The following APLF variants were observed in gnomAD, a reference collection of about 807,000 sequenced individuals.
The protein encoded by APLF is aprataxin and PNKP like factor.
APLF carries 61 observed loss-of-function variants against 55.6 expected under a neutral mutation model. The ratio of observed to expected loss-of-function variants is 1.10; its 90% CI spans 0.89 to 1.36. The LOEUF (loss-of-function observed/expected upper bound fraction) is 1.36, where lower values mean the gene tolerates loss of function less well. APLF is among the 40% of genes most tolerant of loss of function. The probability of loss-of-function intolerance (pLI) is 0.00; values close to 1 mark genes in which losing one functional copy is unlikely to be tolerated. For synonymous variants in APLF, 207 were observed against 214.8 expected (o/e 0.96, Z 0.32); for missense variants, 611 against 602.5 (o/e 1.01, Z -0.15).
In APLF at chr2:68,578,379, A is replaced by G. The variant is rs140336578; in HGVS notation, c.*357A>G. On this transcript the variant is annotated 3_prime_UTR_variant, in exon 10 of 10. Coordinates refer to ENST00000303795, the MANE Select transcript of APLF (RefSeq NM_173545.3). ...AATTTTTTTCCAAAGATTATGGAGTACTCTGCAAGTATAACCAGGCAAAGT... is the reference window on the plus strand; with the variant it reads ...AATTTTTTTCCAAAGATTATGGAGTGCTCTGCAAGTATAACCAGGCAAAGT... 4.4e-5 allele frequency: 45 copies of G among 1,014,250 alleles called. No individual in the cohort carries two copies. In the African/African-American group the frequency reaches 7.8e-4, roughly 18 times the overall value. 62.8% of individuals were successfully genotyped at this position (1,014,250 alleles called of 1,614,324 possible).
At chr2:68,534,393 C>T (rs752602569) in intron 6 of APLF, among the ~76,000 whole-genome samples, 50 of 152,006 alleles carry the variant, frequency 3.3e-4, no homozygotes, top group Non-Finnish European at 5.0e-4. Context: ...AATTTGTCAC[C>T]ACAGACATTC....
At chr2:68,499,770 A>G (rs1676665587) in intron 2 of APLF, among the ~76,000 whole-genome samples, 1 of 152,132 alleles carries the variant, frequency 6.6e-6, no homozygotes, top group Non-Finnish European at 1.5e-5. Context: ...ACCTGGAGGC[A>G]GAGGTTGTAG....
At chr2:68,549,144 C>G (rs768089557) in intron 8 of APLF, among the ~76,000 whole-genome samples, 3 of 151,980 alleles carry the variant, frequency 2.0e-5, no homozygotes, top group Non-Finnish European at 4.4e-5. Flanking sequence ...ATGGCCATGT[C>G]TCTTAACTTA....
At chr2:68,490,168 T>G in intron 1 of APLF, 22 bp from the exon 2 acceptor site, 2 of 1,556,034 alleles carry the variant, frequency 1.3e-6, no homozygotes, top group Non-Finnish European at 1.7e-6. Context: ...ATTCTTAATC[T>G]TTTAATTTTT....
At chr2:68,476,926 G>T (rs541789540) in intron 1 of APLF, among the ~76,000 whole-genome samples, 34 of 152,126 alleles carry the variant, frequency 2.2e-4, no homozygotes, top group Non-Finnish European at 4.3e-4. Context: ...TATTGGAAAA[G>T]TTTTTGGGAG....
At chr2:68,544,667 G>T (rs1164074020) in intron 7 of APLF, among the ~76,000 whole-genome samples, 2 of 151,938 alleles carry the variant, frequency 1.3e-5, no homozygotes, top group African/African-American at 4.8e-5. Flanking sequence ...TTTTTTTAGT[G>T]TAAGAGTCTT....
intron 6 of APLF, among the ~76,000 whole-genome samples, chr2:68,536,745 T>C (rs1378313730): frequency 6.6e-6 from 1 of 152,224 alleles, no homozygotes; most frequent in Non-Finnish European, 1.5e-5. Flanking sequence ...TCCTATCTTT[T>C]TCCAAGTTGG....
At chr2:68,561,545 A>G (rs1231008763) in intron 8 of APLF, among the ~76,000 whole-genome samples, 3 of 152,120 alleles carry the variant, frequency 2.0e-5, no homozygotes, top group Non-Finnish European at 4.4e-5. Flanking sequence ...AGCAGTCTGT[A>G]TCTCAGGAAT....
chr2:68,470,139 G>A (rs1304899664), intron 1 of APLF, among the ~76,000 whole-genome samples: 3 of 152,130 alleles, frequency 2.0e-5, no homozygotes, highest in African/African-American at 4.8e-5. Context: ...CTCCATGATT[G>A]GCATCAGTTA....
At chr2:68,492,945 A>T (rs1453127505) in intron 2 of APLF, among the ~76,000 whole-genome samples, 1 of 152,090 alleles carries the variant, frequency 6.6e-6, no homozygotes, top group East Asian at 1.9e-4. Flanking sequence ...TTTTTCGAGT[A>T]CCTTTTTTTG....
In APLF at chr2:68,565,427, T is replaced by C. The variant is rs183309692; in HGVS notation, c.1287-1914T>C. 5.9e-4 allele frequency among the ~76,000 whole-genome samples: 90 copies of C among 152,038 alleles called. 1 individual carries two copies. The highest frequency in any genetic ancestry group is 2.1e-3 in the African/African-American group (87 of 41,470). Reference sequence around the variant, plus strand: ...AGTGAGCTATGATTGTGCCCTGCACTCTAGCCTGGATAACAGAGTGAGACC... The same window carrying C: ...AGTGAGCTATGATTGTGCCCTGCACCCTAGCCTGGATAACAGAGTGAGACC... On this transcript the variant is annotated intron_variant, in intron 8 of 9. Transcript: ENST00000303795.
At chr2:68,544,187 C>T (rs188837533) in intron 7 of APLF, among the ~76,000 whole-genome samples, 21 of 152,162 alleles carry the variant, frequency 1.4e-4, no homozygotes, top group African/African-American at 5.1e-4. Context: ...CCGTGTTGGC[C>T]AGGCTGGTCC....
chr2:68,478,753 G>C (rs1369750594), intron 1 of APLF, among the ~76,000 whole-genome samples: 1 of 152,120 alleles, frequency 6.6e-6, no homozygotes, highest in African/African-American at 2.4e-5. Context: ...ACAGTTATTA[G>C]TAAGGAAGAG....
At chr2:68,511,407 C>T (rs1451545164) in intron 3 of APLF, among the ~76,000 whole-genome samples, 1 of 151,458 alleles carries the variant, frequency 6.6e-6, no homozygotes, top group African/African-American at 2.4e-5. Context: ...TGTACTTGTA[C>T]TTTTTGAATA....
intron 8 of APLF, among the ~76,000 whole-genome samples, chr2:68,559,790 G>A (rs886655100): frequency 6.6e-6 from 1 of 152,112 alleles, no homozygotes; most frequent in African/African-American, 2.4e-5. Flanking sequence ...TTGTCCTCAT[G>A]TAGTTCATTC....
At chr2:68,470,446 T>C (rs964626383) in intron 1 of APLF, among the ~76,000 whole-genome samples, 1 of 152,198 alleles carries the variant, frequency 6.6e-6, no homozygotes, top group Non-Finnish European at 1.5e-5. Context: ...ACTATAGTTT[T>C]GTAAGACGTT....
intron 1 of APLF, among the ~76,000 whole-genome samples, chr2:68,481,553 T>G (rs1476419922): frequency 6.6e-6 from 1 of 152,218 alleles, no homozygotes; most frequent in Non-Finnish European, 1.5e-5. Flanking sequence ...GTCTTTGACT[T>G]TTGAAAATTT....
In APLF at chr2:68,513,411, C is replaced by A. The variant is rs180842709; in HGVS notation, c.490-137C>A. The A allele has an allele frequency of 4.8e-6, 6 of 1,259,358 alleles. No homozygotes were observed. In the African/African-American group the frequency reaches 9.1e-5, roughly 19 times the overall value. 78.0% of individuals were successfully genotyped at this position (1,259,358 alleles called of 1,614,324 possible). ...ACAGTTAAACTAATAGAAATAATTT[C>A]TTTGTTCAAGAAATTTTATGAACTC... is the stretch of plus-strand genomic sequence containing the variant. On this transcript the variant is annotated intron_variant, in intron 4 of 9. Coordinates refer to ENST00000303795, the MANE Select transcript of APLF (RefSeq NM_173545.3).
chr2:68,513,301 A>G, intron 4 of APLF, 74 bp downstream of exon 4: 3 of 1,469,430 alleles, frequency 2.0e-6, no homozygotes. Context: ...GACAACTGAA[A>G]TTAGGCCTAT....
Sources: gnomAD v4.1 joint callset for allele counts (sites outside exome capture counted in the v4.1 genomes callset) on GRCh38, gnomAD v4.1.1 for gene constraint, MANE v1.5 for transcripts, NCBI Gene and HGNC (gene_info 2026-07-23, HGNC 2026-07-21) for gene names.